The following DNAH17 variants were observed in gnomAD, a reference collection of about 807,000 sequenced individuals.
DNAH17 encodes dynein axonemal heavy chain 17.
A neutral mutation model predicts 485.6 loss-of-function variants in DNAH17; 376 were observed. The ratio of observed to expected loss-of-function variants is 0.77; its 90% CI spans 0.71 to 0.84. The LOEUF (loss-of-function observed/expected upper bound fraction) is 0.84, where lower values mean the gene tolerates loss of function less well. Ranked by LOEUF, DNAH17 falls within the 40% of genes least tolerant of loss-of-function variation. The probability of loss-of-function intolerance (pLI) is 0.00; values close to 1 mark genes in which losing one functional copy is unlikely to be tolerated. For missense variants in DNAH17, 6,370 were observed against 5,839.3 expected (o/e 1.09, Z -2.96); for synonymous variants, 3,031 against 2,405.9 (o/e 1.26, Z -7.60).
At chr17:78,442,390 A>G (rs1356237455) in intron 71 of DNAH17, among the ~76,000 whole-genome samples, 1 of 152,160 alleles carries the variant, frequency 6.6e-6, no homozygotes, top group Admixed American at 6.5e-5. Flanking sequence ...GGTGTCCTGA[A>G]CTGGGGCCAG....
chr17:78,546,943 CCA>C (rs2091780055), intron 16 of DNAH17, among the ~76,000 whole-genome samples: 1 of 151,930 alleles, frequency 6.6e-6, no homozygotes, highest in Non-Finnish European at 1.5e-5. Context: ...TTCTCATTAT[CCA>C]CGTTTAGGAA....
chr17:78,558,276 AAG>A (rs1290148616), intron 13 of DNAH17, 22 bp from the exon 14 acceptor site: 1 of 1,611,822 alleles, frequency 6.2e-7, no homozygotes, highest in Non-Finnish European at 8.5e-7. Context: ...ACGAAGATCA[AAG>A]AACATGTCAG....
chr17:78,524,390 G>A (rs924720386), intron 25 of DNAH17, among the ~76,000 whole-genome samples: 7 of 152,164 alleles, frequency 4.6e-5, no homozygotes, highest in African/African-American at 1.7e-4. Flanking sequence ...CACCTGCCTC[G>A]GCCTCCCAAA....
intron 54 of DNAH17, among the ~76,000 whole-genome samples, chr17:78,473,360 C>T (rs691800): frequency 0.11 from 16,722 of 151,894 alleles, 1,165 homozygotes; most frequent in African/African-American, 0.19. Context: ...CAGGCTAACA[C>T]GGTGAAACCC....
intron 74 of DNAH17, among the ~76,000 whole-genome samples, chr17:78,435,274 C>T (rs1017109058): frequency 1.3e-5 from 2 of 152,182 alleles, no homozygotes; most frequent in South Asian, 4.1e-4. Context: ...TCCATCCATC[C>T]TCCAGAGTCC....
At chr17:78,565,184 C>T (rs1011635627) in intron 11 of DNAH17, among the ~76,000 whole-genome samples, 5 of 152,166 alleles carry the variant, frequency 3.3e-5, no homozygotes, top group African/African-American at 1.2e-4. Context: ...GAGCTCCCAT[C>T]GCTCTCCCTA....
chr17:78,552,089 GGCGTTCTCTGA>G (rs1229954534), intron 15 of DNAH17, among the ~76,000 whole-genome samples: 1 of 152,160 alleles, frequency 6.6e-6, no homozygotes, highest in Admixed American at 6.5e-5. Context: ...GAAATCGCTG[GGCGTTCTCTGA>G]AATGAAATGC....
chr17:78,548,083 G>A (rs1352238600), intron 16 of DNAH17, among the ~76,000 whole-genome samples: 2 of 151,860 alleles, frequency 1.3e-5, no homozygotes, highest in Non-Finnish European at 2.9e-5. Context: ...TGGTGCTTCA[G>A]TATATTTTAA....
intron 2 of DNAH17, among the ~76,000 whole-genome samples, chr17:78,573,273 A>C (rs1215148889): frequency 6.6e-6 from 1 of 152,040 alleles, no homozygotes; most frequent in Non-Finnish European, 1.5e-5. Context: ...AGCACCTTAG[A>C]ATGTGACTAT....
chr17:78,499,483 C>G lies in DNAH17; in HGVS notation c.5641-371G>C, dbSNP rs190583897. ...AGTCCTCTAAGGCGGGATGGGGGCACGTCTAGCAGGCCGGAGGCTTTCCCT... is the reference window on the plus strand; with the variant it reads ...AGTCCTCTAAGGCGGGATGGGGGCAGGTCTAGCAGGCCGGAGGCTTTCCCT... On this transcript the variant is annotated intron_variant, in intron 36 of 80. Coordinates refer to ENST00000389840, the MANE Select transcript of DNAH17 (RefSeq NM_173628.4). 5 of 158,824 alleles carry G rather than the reference C, an allele frequency of 3.1e-5. No individual in the cohort carries two copies. In the South Asian group the frequency reaches 8.1e-4, roughly 26 times the overall value. The allele number at this position is 158,824 out of a possible 1,614,324, so 9.8% of individuals were successfully genotyped here. A position where few individuals can be genotyped will look rare whatever the true frequency, so the allele number is the denominator to read the frequency against.
In DNAH17 at chr17:78,566,711, G is replaced by A. The variant is rs1190194411; in HGVS notation, c.1472C>T (p.Ala491Val). The change falls in exon 11 of 81, where the codon GCT becomes GTT. Residue 491 changes from alanine (A) to valine (V), a missense_variant. Transcript: ENST00000389840. The stretch of plus-strand genomic sequence containing the variant: ...GTCTTGGATTTTGATCTCAAAATCA[G>A]CATAATCACGGTCAAAATTCTAAAA... Reference protein sequence around the residue: ...PGDSNFDRDYADFEIKIQDLD... With the variant: ...PGDSNFDRDYVDFEIKIQDLD... The A allele has an allele frequency of 6.2e-7, 1 of 1,605,212 alleles. No homozygotes were observed.
chr17:78,489,726 T>C (rs1258321776), intron 44 of DNAH17, among the ~76,000 whole-genome samples: 1 of 151,882 alleles, frequency 6.6e-6, no homozygotes, highest in Non-Finnish European at 1.5e-5. Flanking sequence ...ACCAGCTTTT[T>C]TCATCACTCT....
chr17:78,539,724 G>A lies in DNAH17; in HGVS notation c.2676+13C>T, dbSNP rs567974496. ...CATATACATAAATATATTACCTTATGTTGATAACTTACATCTATAACCATG... is the reference window on the plus strand; with the variant it reads ...CATATACATAAATATATTACCTTATATTGATAACTTACATCTATAACCATG... On this transcript the variant is annotated intron_variant, in intron 18 of 80. Coordinates refer to ENST00000389840, the MANE Select transcript of DNAH17 (RefSeq NM_173628.4). 17 of 1,597,100 alleles carry A rather than the reference G, an allele frequency of 1.1e-5. No individual in the cohort carries two copies. In the East Asian group the frequency reaches 1.6e-4, roughly 15 times the overall value.
At chr17:78,569,275 G>A (rs1052262234) in intron 8 of DNAH17, 23 bp from the exon 9 acceptor site, 4 of 1,597,468 alleles carry the variant, frequency 2.5e-6, no homozygotes, top group African/African-American at 1.3e-5. Flanking sequence ...AAAGAGAGAT[G>A]AGGCCACGTT....
intron 20 of DNAH17, among the ~76,000 whole-genome samples, chr17:78,531,794 T>C (rs1199089369): frequency 6.6e-6 from 1 of 152,252 alleles, no homozygotes; most frequent in East Asian, 1.9e-4. Flanking sequence ...GTTACCTTCA[T>C]CCATTCAGAC....
Position 78,567,072 on chromosome 17 carries a change from A to G in DNAH17, c.1379T>C (p.Ile460Thr). 1 of 1,613,660 alleles carries G rather than the reference A, an allele frequency of 6.2e-7. No homozygotes were observed. Among genetic ancestry groups the G allele is most frequent in the Non-Finnish European group, 8.5e-7 (1 of 1,179,786 alleles). Residue 460 changes from isoleucine to threonine, a missense_variant, in exon 10 of 81, where the codon ATC becomes ACC. Ile to Thr is a moderately conservative substitution (Grantham distance 89). Transcript: ENST00000389840. ...GNLLGSLVTR[I>T]YDEVFELVKV... ...CACCAGCTCAAAGACCTCATCATAG[A>G]TACGGGTCACCAGGCTCCCGAGGAG...
Position 78,484,899 on chromosome 17 carries a change from G to T in DNAH17, c.7618C>A (p.Leu2540Ile). 6.3e-7 allele frequency: 1 copy of T among 1,586,248 alleles called. No individual in the cohort carries two copies. ...DKYGTVAPHT[L>I]IRQHMDHRHW... ...CGGTGGTCCATGTGCTGCCGGATGA[G>T]GGTGTGCGGGGCCACCGTCCCATAC... The change falls in exon 48 of 81, where the codon CTC becomes ATC. Residue 2540 changes from leucine (L) to isoleucine (I), a missense_variant. Leu to Ile is a conservative substitution (Grantham distance 5). Coordinates refer to ENST00000389840, the MANE Select transcript of DNAH17 (RefSeq NM_173628.4).
At chr17:78,515,303 G>A (rs1321813815) in intron 25 of DNAH17, among the ~76,000 whole-genome samples, 2 of 152,206 alleles carry the variant, frequency 1.3e-5, no homozygotes, top group African/African-American at 4.8e-5. Flanking sequence ...GAGGTCAGGA[G>A]TTCGAGACCA....
intron 56 of DNAH17, 31 bp from the exon 57 acceptor site, chr17:78,463,108 G>T: frequency 6.2e-7 from 1 of 1,603,374 alleles, no homozygotes; most frequent in Middle Eastern, 1.7e-4. Context: ...GTCATCCCTG[G>T]GACCCCATCC....
Sources: gnomAD v4.1 joint callset for allele counts (sites outside exome capture counted in the v4.1 genomes callset) on GRCh38, gnomAD v4.1.1 for gene constraint, MANE v1.5 for transcripts, NCBI Gene and HGNC (gene_info 2026-07-23, HGNC 2026-07-21) for gene names.